Variants in MARCHF1 observed in about 807,000 individuals in gnomAD.
The protein encoded by MARCHF1 is E3 ubiquitin-protein ligase MARCHF1.
In MARCHF1, 40 loss-of-function variants were observed where a neutral mutation model predicts 54.2. The ratio of observed to expected loss-of-function variants is 0.74; its 90% CI spans 0.57 to 0.96. The LOEUF is 0.96. Among genes scored for constraint, MARCHF1 ranks in the 40% least tolerant of loss-of-function variants. The pLI, the probability that MARCHF1 is intolerant of heterozygous loss-of-function variation, is 0.00. For missense variants in MARCHF1, 586 were observed against 656.5 expected (o/e 0.89, Z 1.17); for synonymous variants, 236 against 236.3 (o/e 1.00, Z 0.01).
At chr4:164,269,866 T>C (rs1333525812) in intron 1 of MARCHF1, among the ~76,000 whole-genome samples, 1 of 152,154 alleles carries the variant, frequency 6.6e-6, no homozygotes, top group Non-Finnish European at 1.5e-5. Flanking sequence ...GCATGTTACA[T>C]AGCGTTATTT....
intron 2 of MARCHF1, among the ~76,000 whole-genome samples, chr4:164,006,620 G>A (rs1438933109): frequency 2.0e-5 from 3 of 151,874 alleles, no homozygotes; most frequent in East Asian, 1.9e-4. Context: ...TCCAGATACC[G>A]GCAGTCCTAA....
intron 1 of MARCHF1, among the ~76,000 whole-genome samples, chr4:164,146,248 C>T (rs1187339856): frequency 6.8e-6 from 1 of 147,778 alleles, no homozygotes; most frequent in Non-Finnish European, 1.5e-5. Context: ...CCATACTGCC[C>T]AAGGTAATTT....
intron 1 of MARCHF1, among the ~76,000 whole-genome samples, chr4:164,287,630 C>A (rs768688611): frequency 4.6e-5 from 7 of 152,078 alleles, no homozygotes; most frequent in Non-Finnish European, 8.8e-5. Context: ...CAGTATCTCT[C>A]ACTTCAGGAG....
intron 3 of MARCHF1, among the ~76,000 whole-genome samples, chr4:163,951,722 C>T (rs569480154): frequency 1.3e-5 from 2 of 152,296 alleles, no homozygotes; most frequent in South Asian, 4.1e-4. Flanking sequence ...GTGGATAAGT[C>T]AGTTGACTTT....
chr4:164,163,685 A>G (rs1730298936), intron 1 of MARCHF1, among the ~76,000 whole-genome samples: 1 of 151,960 alleles, frequency 6.6e-6, no homozygotes. Flanking sequence ...TGAATGAGAG[A>G]ATGAATAATC....
At chr4:164,316,984 A>C (rs1338559838) in intron 1 of MARCHF1, among the ~76,000 whole-genome samples, 2 of 152,202 alleles carry the variant, frequency 1.3e-5, no homozygotes, top group Non-Finnish European at 2.9e-5. Context: ...TGAGCCAATT[A>C]AGCCTCTTTC....
intron 1 of MARCHF1, among the ~76,000 whole-genome samples, chr4:164,170,404 T>A (rs1730490231): frequency 6.6e-6 from 1 of 152,074 alleles, no homozygotes; most frequent in Non-Finnish European, 1.5e-5. Context: ...CTCAGACTTA[T>A]AAGGGACATT....
intron 2 of MARCHF1, among the ~76,000 whole-genome samples, chr4:164,039,880 A>T (rs1348610247): frequency 5.9e-5 from 9 of 151,354 alleles, no homozygotes. Flanking sequence ...CTACCTTATG[A>T]CATTTCACAC....
chr4:163,716,091 T>A (rs1185946788), intron 4 of MARCHF1, among the ~76,000 whole-genome samples: 17 of 152,188 alleles, frequency 1.1e-4, no homozygotes, highest in South Asian at 2.1e-4. Context: ...AAAATCCATA[T>A]ACTTATGTAA....
intron 3 of MARCHF1, among the ~76,000 whole-genome samples, chr4:163,880,746 T>C (rs1221078672): frequency 3.3e-5 from 5 of 152,196 alleles, no homozygotes; most frequent in Admixed American, 1.3e-4. Context: ...TATCAATTTA[T>C]ACTTAAAAAC....
At chr4:164,212,388 C>T (rs1731801066) in intron 1 of MARCHF1, among the ~76,000 whole-genome samples, 1 of 152,042 alleles carries the variant, frequency 6.6e-6, no homozygotes, top group Non-Finnish European at 1.5e-5. Flanking sequence ...TTTCAAGGTG[C>T]CAGTGTTTCT....
At chr4:163,608,114 T>C (rs1185581630) in intron 7 of MARCHF1, among the ~76,000 whole-genome samples, 1 of 152,162 alleles carries the variant, frequency 6.6e-6, no homozygotes. Context: ...CCAGGTACTT[T>C]GGATTTTGCA....
chr4:164,205,760 A>G (rs1376456830), intron 1 of MARCHF1, among the ~76,000 whole-genome samples: 2 of 152,158 alleles, frequency 1.3e-5, no homozygotes, highest in Non-Finnish European at 2.9e-5. Flanking sequence ...CTATTCTTGA[A>G]TTTAATTTAA....
chr4:163,694,186 T>G (rs998449131), intron 5 of MARCHF1, among the ~76,000 whole-genome samples: 1 of 152,174 alleles, frequency 6.6e-6, no homozygotes, highest in African/African-American at 2.4e-5. Context: ...TGAGTTCATG[T>G]GGATCTGGGT....
chr4:164,206,942 T>C (rs767488035), intron 1 of MARCHF1, among the ~76,000 whole-genome samples: 87 of 151,938 alleles, frequency 5.7e-4, no homozygotes, highest in Non-Finnish European at 9.7e-4. Flanking sequence ...ACTAAAAAAA[T>C]TGTATTAATT....
Position 164,290,538 on chromosome 4 carries a change from G to C in MARCHF1, c.-323+93332C>G, listed in dbSNP as rs182226769. ...AAATGGAAAAAAAGAGAAAAAAATT[G>C]TTTCAGAAGAAATTAAGCACAGAAG... On this transcript the variant is annotated intron_variant, in intron 1 of 9. Coordinates refer to ENST00000514618, the MANE Select transcript of MARCHF1 (RefSeq NM_001394959.1). Among the ~76,000 whole-genome samples, 7 of 151,838 alleles carry C rather than the reference G, an allele frequency of 4.6e-5. No individual in the cohort carries two copies. In the East Asian group the frequency reaches 1.4e-3, roughly 29 times the overall value.
chr4:163,964,792 T>C (rs1285114082), intron 3 of MARCHF1, among the ~76,000 whole-genome samples: 2 of 152,000 alleles, frequency 1.3e-5, no homozygotes, highest in Non-Finnish European at 2.9e-5. Flanking sequence ...ACACAGAACA[T>C]GCTAAAATTT....
intron 4 of MARCHF1, among the ~76,000 whole-genome samples, chr4:163,782,222 G>A (rs1747485212): frequency 1.3e-5 from 2 of 151,916 alleles, no homozygotes; most frequent in African/African-American, 4.8e-5. Flanking sequence ...AGAAGCACAA[G>A]CATTCTGATT....
intron 5 of MARCHF1, among the ~76,000 whole-genome samples, chr4:163,655,649 A>G (rs907598897): frequency 6.6e-6 from 1 of 151,812 alleles, no homozygotes; most frequent in African/African-American, 2.4e-5. Context: ...TGATTGCCTA[A>G]TTGGAAGCAA....
Sources: gnomAD v4.1 joint callset for allele counts (sites outside exome capture counted in the v4.1 genomes callset) on GRCh38, gnomAD v4.1.1 for gene constraint, MANE v1.5 for transcripts, NCBI Gene and HGNC (gene_info 2026-07-23, HGNC 2026-07-21) for gene names.